Variants in CEBPZOS observed in about 807,000 individuals in gnomAD.
CEBPZOS encodes protein CEBPZOS.
In CEBPZOS, 10 loss-of-function variants were observed where a neutral mutation model predicts 4.8. That is an observed-to-expected ratio of 2.07 (90% confidence interval 1.28 to 3.52). The LOEUF is 3.52. Ranked by LOEUF, CEBPZOS falls within the 30% of genes most tolerant of loss-of-function variation. CEBPZOS has a pLI of 0.00. For missense variants in CEBPZOS, 98 were observed against 43.6 expected (o/e 2.25, Z -3.51); for synonymous variants, 25 against 14.2 (o/e 1.77, Z -1.72).
chr2:37,202,084 G>T lies in CEBPZOS; in HGVS notation c.*224G>T. 5.1e-6 allele frequency: 2 copies of T among 388,438 alleles called. No homozygotes were observed. Among genetic ancestry groups the T allele is most frequent in the Non-Finnish European group, 4.5e-6 (1 of 220,644 alleles). 24.1% of individuals were successfully genotyped at this position (388,438 alleles called of 1,614,324 possible). A position where few individuals can be genotyped will look rare whatever the true frequency, so the allele number is the denominator to read the frequency against. ...CTCATATTTATTGTCAAAGATAAAT[G>T]TTTCAAAAAGAAATGACTAAGGAAG... On this transcript the variant is annotated 3_prime_UTR_variant, in exon 5 of 5. Transcript: ENST00000402297.
chr2:37,202,027 T>A lies in CEBPZOS; in HGVS notation c.*167T>A, dbSNP rs760614923. On this transcript the variant is annotated 3_prime_UTR_variant, in exon 5 of 5. Transcript: ENST00000402297. ...TTGGCCTGTGGTTTCCCACCCACTATACAAACCCACTGCTTGTTTGTTGCT... is the reference window on the plus strand; with the variant it reads ...TTGGCCTGTGGTTTCCCACCCACTAAACAAACCCACTGCTTGTTTGTTGCT... 1.0e-5 allele frequency: 7 copies of A among 692,730 alleles called. No individual in the cohort carries two copies. The highest frequency in any genetic ancestry group is 1.6e-5 in the Non-Finnish European group (7 of 431,404). 42.9% of individuals were successfully genotyped at this position (692,730 alleles called of 1,614,324 possible).
chr2:37,214,768 A>C, downstream of CEBPZOS: 1 of 613,126 alleles, frequency 1.6e-6, no homozygotes, highest in East Asian at 2.9e-5. Flanking sequence ...TCCATGGTCT[A>C]TTTACACACA....
chr2:37,211,132 G>A (rs201041713), intron 4 of CEBPZOS: 43 of 1,190,856 alleles, frequency 3.6e-5, no homozygotes, highest in Non-Finnish European at 5.0e-5. Context: ...CAATAAGACT[G>A]GAAAATATTA....
exon 5 of CEBPZOS, chr2:37,213,659 C>T (rs1484465884): frequency 1.6e-5 from 7 of 438,822 alleles, no homozygotes; most frequent in Non-Finnish European, 2.4e-5. Context: ...AACAATCTTC[C>T]TGCCTCGGCC....
rs371094012 is a variant in CEBPZOS, at chr2:37,201,000, A to G, written c.116-48A>G. The G allele has an allele frequency of 1.5e-4, 110 of 710,222 alleles. No individual in the cohort carries two copies. The African/African-American group carries it at 1.7e-3, about 11-fold the overall frequency. 44.0% of individuals were successfully genotyped at this position (710,222 alleles called of 1,614,324 possible). On this transcript the variant is annotated intron_variant, in intron 2 of 4. Coordinates refer to ENST00000402297, the MANE Select transcript of CEBPZOS (RefSeq NM_001322374.2). Reference sequence around the variant, plus strand: ...ATTAAATTGTGGCTGTGTTAATATAATGAATTTCTGTTCATATCTAATTTC... The same window carrying G: ...ATTAAATTGTGGCTGTGTTAATATAGTGAATTTCTGTTCATATCTAATTTC...
chr2:37,211,196 C>T, intron 4 of CEBPZOS: 7 of 599,898 alleles, frequency 1.2e-5, no homozygotes. Flanking sequence ...TACTGCTATT[C>T]CATGTGGGTT....
At position 37,203,716 on chromosome 2, in the gene CEBPZOS, TTTGTAGTCCTCCAA is replaced by T. The variant is rs1179700312; in HGVS notation, c.*1857_*1870del. The T allele has an allele frequency of 6.6e-6, 1 of 152,224 alleles. No individual in the cohort carries two copies. The highest frequency in any genetic ancestry group is 1.5e-5 in the Non-Finnish European group (1 of 68,028). 9.4% of individuals were successfully genotyped at this position (152,224 alleles called of 1,614,324 possible). ...TCAACTTCAAAGATCCCTGGTGCCATTTGTAGTCCTCCAACCCATCTCCGATCTATCTTGTTTCT... is the reference window on the plus strand; with the variant it reads ...TCAACTTCAAAGATCCCTGGTGCCATCCCATCTCCGATCTATCTTGTTTCT... On this transcript the variant is annotated 3_prime_UTR_variant, in exon 5 of 5. Transcript: ENST00000402297.
downstream of CEBPZOS, among the ~76,000 whole-genome samples, chr2:37,207,053 A>G (rs912784626): frequency 6.6e-6 from 1 of 152,228 alleles, no homozygotes; most frequent in African/African-American, 2.4e-5. Context: ...TAAAAAAGAC[A>G]AAGAGGGACA....
downstream of CEBPZOS, among the ~76,000 whole-genome samples, chr2:37,205,233 T>G (rs933275807): frequency 6.6e-6 from 1 of 152,224 alleles, no homozygotes; most frequent in African/African-American, 2.4e-5. Context: ...TTGTCAGGCC[T>G]CTGAGCCCAA....
chr2:37,201,013 C>A (rs1677202028), intron 2 of CEBPZOS, 35 bp from the exon 3 acceptor site: 1 of 713,454 alleles, frequency 1.4e-6, no homozygotes, highest in South Asian at 1.5e-5. Context: ...AATTTCTGTT[C>A]ATATCTAATT....
At chr2:37,196,845 AGGAGCCG>A (rs954879463) in intron 1 of CEBPZOS, among the ~76,000 whole-genome samples, 3 of 152,296 alleles carry the variant, frequency 2.0e-5, no homozygotes, top group African/African-American at 7.2e-5. Context: ...GGACCGCGGC[AGGAGCCG>A]GGAGCCGGGG....
At chr2:37,212,157 G>A (rs1677741347) in intron 4 of CEBPZOS, 2 of 1,019,106 alleles carry the variant, frequency 2.0e-6, no homozygotes. Context: ...TTTGCAGACT[G>A]CTCAGAGTAA....
chr2:37,211,791 G>C, intron 4 of CEBPZOS: 1 of 1,356,232 alleles, frequency 7.4e-7, no homozygotes, highest in Non-Finnish European at 1.0e-6. Flanking sequence ...CAAACTTAAG[G>C]CTAAGGAAGT....
downstream of CEBPZOS, among the ~76,000 whole-genome samples, chr2:37,207,415 C>G (rs1046376876): frequency 2.0e-5 from 3 of 152,160 alleles, no homozygotes; most frequent in African/African-American, 7.2e-5. Context: ...CAAAACAAGT[C>G]TCAATAAACT....
chr2:37,211,656 C>A, intron 4 of CEBPZOS: 1 of 495,254 alleles, frequency 2.0e-6, no homozygotes, highest in Non-Finnish European at 3.5e-6. Context: ...TAAAAGAAAA[C>A]ACACATAACA....
At chr2:37,212,979 C>A (rs770319682) in intron 4 of CEBPZOS, among the ~76,000 whole-genome samples, 1 of 151,668 alleles carries the variant, frequency 6.6e-6, no homozygotes, top group East Asian at 1.9e-4. Flanking sequence ...GTCTAGGCTG[C>A]AGGGCTGCAG....
intron 4 of CEBPZOS, chr2:37,211,654 AAC>A (rs1215945598): frequency 4.0e-6 from 2 of 501,146 alleles, no homozygotes; most frequent in Non-Finnish European, 6.9e-6. Context: ...CTTAAAAGAA[AAC>A]ACACATAACA....
At chr2:37,200,338 T>A (rs1297906252) in intron 2 of CEBPZOS, among the ~76,000 whole-genome samples, 1 of 152,200 alleles carries the variant, frequency 6.6e-6, no homozygotes, top group Non-Finnish European at 1.5e-5. Flanking sequence ...AGGAAGTGAT[T>A]TTTCCCTAAA....
downstream of CEBPZOS, chr2:37,209,060 A>AC (rs1677634643): frequency 2.0e-5 from 1 of 50,576 alleles, no homozygotes; most frequent in African/African-American, 7.2e-5. Context: ...AAAAAAAAAA[A>AC]ATAATAATAC....
Sources: allele counts gnomAD v4.1 joint callset (sites outside exome capture counted in the v4.1 genomes callset), GRCh38; gene constraint gnomAD v4.1.1; transcripts MANE v1.5; gene names NCBI Gene and HGNC (gene_info 2026-07-23, HGNC 2026-07-21).